Variants in RELA observed in about 807,000 individuals in gnomAD.
RELA encodes the protein RELA proto-oncogene, NF-kB subunit, also known as transcription factor p65.
Under a neutral mutation model 56.7 loss-of-function variants are expected in RELA, and 14 were observed. That is an observed-to-expected ratio of 0.25 (90% confidence interval 0.16 to 0.39). The LOEUF (loss-of-function observed/expected upper bound fraction) is 0.39. Among genes scored for constraint, RELA ranks in the 10% least tolerant of loss-of-function variants. The pLI, the probability that RELA is intolerant of heterozygous loss-of-function variation, is 1.00. For missense variants in RELA, 559 were observed against 736.4 expected, an observed-to-expected ratio of 0.76 and a Z score of 2.79; for synonymous variants, 315 against 289.7, an observed-to-expected ratio of 1.09 and a Z score of -0.89.
In RELA at chr11:65,655,857, C is replaced by A; in HGVS notation, c.956G>T (p.Ser319Ile). Residue 319 changes from serine to isoleucine, a missense_variant and splice_region_variant, in exon 9 of 11, where the codon AGC becomes ATC. Coordinates refer to ENST00000406246, the MANE Select transcript of RELA (RefSeq NM_021975.4). ...GGCTTTCCCAGTCCCCATCTCACCG[C>A]TGAAAGGACTCTTCTTCATGATGCT... Reference protein sequence around the residue: ...FKSIMKKSPFSGPTDPRPPPR... With the variant: ...FKSIMKKSPFIGPTDPRPPPR... 2 of 1,614,068 alleles carry A rather than the reference C, an allele frequency of 1.2e-6. No homozygotes were observed. The highest frequency in any genetic ancestry group is 1.7e-6 in the Non-Finnish European group (2 of 1,179,938).
At position 65,654,529 on chromosome 11, in the gene RELA, C is replaced by A; in HGVS notation, c.1505G>T (p.Arg502Leu). 2 of 1,609,532 alleles carry A rather than the reference C, an allele frequency of 1.2e-6. No individual in the cohort carries two copies. Among genetic ancestry groups the A allele is most frequent in the Non-Finnish European group, 1.7e-6 (2 of 1,178,218 alleles). Residue 502 changes from arginine to leucine, a missense_variant, in exon 11 of 11, where the codon CGC (arginine) becomes CTC (leucine). This residue lies in a region of RELA where 365 missense variants were observed against 387.5 expected (regional missense o/e 0.94). Coordinates refer to ENST00000406246, the MANE Select transcript of RELA (RefSeq NM_021975.4). The part of the protein sequence containing the change: ...MLMEYPEAIT[R>L]LVTGAQRPPD... ...GGGCCTCTGGGCCCCTGTCACTAGG[C>A]GAGTTATAGCCTCAGGGTACTCCAT...
intron 4 of RELA, 79 bp downstream of exon 4, chr11:65,661,608 G>A (rs888774394): frequency 5.9e-6 from 8 of 1,365,626 alleles, no homozygotes; most frequent in Non-Finnish European, 8.0e-6. Flanking sequence ...GGTCCAGAAA[G>A]GAGTAACACT....
chr11:65,654,006 G>T lies in RELA; in HGVS notation c.*372C>A. On this transcript the variant is annotated 3_prime_UTR_variant, in exon 11 of 11. Transcript: ENST00000406246. Reference sequence around the variant, plus strand: ...TCCATGATGGAAGACACTTGATAAGGCTTTGTGGGCTCAAAGGCCTTACCT... The same window carrying T: ...TCCATGATGGAAGACACTTGATAAGTCTTTGTGGGCTCAAAGGCCTTACCT... 1 of 341,852 alleles carries T rather than the reference G, an allele frequency of 2.9e-6. No homozygotes were observed. Among genetic ancestry groups the T allele is most frequent in the South Asian group, 2.4e-5 (1 of 42,268 alleles). The allele number at this position is 341,852 out of a possible 1,614,324, so 21.2% of individuals were successfully genotyped here.
upstream of RELA, chr11:65,663,124 C>T (rs934099700): frequency 2.6e-5 from 6 of 228,720 alleles, no homozygotes; most frequent in African/African-American, 1.4e-4. Flanking sequence ...TCGGCTAGCT[C>T]CCGGGTCCCG....
At chr11:65,655,267 G>A (rs1241157996) in intron 10 of RELA, 1 of 572,950 alleles carries the variant, frequency 1.7e-6, no homozygotes, top group Non-Finnish European at 3.1e-6. Context: ...GGAGAGATAA[G>A]CTGGACTCCT....
At chr11:65,656,507 A>G (rs1856432822) in intron 8 of RELA, among the ~76,000 whole-genome samples, 1 of 152,192 alleles carries the variant, frequency 6.6e-6, no homozygotes, top group Non-Finnish European at 1.5e-5. Flanking sequence ...TTCCCTGACC[A>G]TCCGCCATCT....
chr11:65,663,696 C>T (rs1163554760), upstream of RELA, among the ~76,000 whole-genome samples: 49 of 152,196 alleles, frequency 3.2e-4, no homozygotes, highest in Non-Finnish European at 2.9e-5. Flanking sequence ...GCGGGACCCA[C>T]AGGGACACTT....
At chr11:65,660,095 G>A in intron 5 of RELA, 29 bp downstream of exon 5, 1 of 1,596,360 alleles carries the variant, frequency 6.3e-7, no homozygotes, top group South Asian at 1.1e-5. Flanking sequence ...GACAGAGGGT[G>A]CGGGTGTGGC....
At chr11:65,660,311 A>G (rs1856532035) in intron 4 of RELA, 96 bp from the exon 5 acceptor site, 2 of 1,091,478 alleles carry the variant, frequency 1.8e-6, no homozygotes, top group East Asian at 2.4e-5. Flanking sequence ...CCACCCCTAG[A>G]TCATCGCTCC....
At chr11:65,661,910 C>T (rs1856577857) in intron 3 of RELA, 27 bp downstream of exon 3, 1 of 1,607,468 alleles carries the variant, frequency 6.2e-7, no homozygotes, top group Non-Finnish European at 8.5e-7. Flanking sequence ...ACAGTCCCTT[C>T]CCCGCACACC....
At position 65,658,275 on chromosome 11, in the gene RELA, C is replaced by G. The variant is rs746656220; in HGVS notation, c.877+12G>C. On this transcript the variant is annotated intron_variant, in intron 8 of 10. Coordinates refer to ENST00000406246, the MANE Select transcript of RELA (RefSeq NM_021975.4). The surrounding 1 kb of genome is among the most constrained non-coding windows in gnomAD (Gnocchi z 4.5). The stretch of plus-strand genomic sequence containing the variant: ...GCCCAGCTGCCCTGATGCTGCCACC[C>G]CAGCTGTGTACCTGTATCTGGCAGG... 4 of 1,570,592 alleles carry G rather than the reference C, an allele frequency of 2.5e-6. No individual in the cohort carries two copies. Among genetic ancestry groups the G allele is most frequent in the African/African-American group, 2.7e-5 (2 of 74,562 alleles).
intron 4 of RELA, 168 bp downstream of exon 4, chr11:65,661,519 G>A (rs1470012412): frequency 3.8e-5 from 23 of 603,682 alleles, no homozygotes; most frequent in South Asian, 9.7e-5. Context: ...TAGAGTAAAC[G>A]TACAAATAGA....
chr11:65,654,988 T>C lies in RELA; in HGVS notation c.1046A>G (p.Tyr349Cys). 1.3e-6 allele frequency: 2 copies of C among 1,599,642 alleles called. No individual in the cohort carries two copies. The highest frequency in any genetic ancestry group is 1.1e-5 in the South Asian group (1 of 88,392). The change falls in exon 11 of 11, where the codon TAT (tyrosine) becomes TGT (cysteine). Residue 349 changes from tyrosine to cysteine, a missense_variant. Transcript: ENST00000406246. ...GGTGCTCAGGGATGACGTAAAGGGA[T>C]AGGGCTGGGGTGCTGGAGGAGAGAG... Reference protein sequence around the residue: ...ASVPKPAPQPYPFTSSLSTIN... With the variant: ...ASVPKPAPQPCPFTSSLSTIN...
chr11:65,661,816 G>C lies in RELA; in HGVS notation c.206C>G (p.Pro69Arg). Residue 69 changes from proline to arginine, a missense_variant, in exon 4 of 11, where the codon CCA becomes CGA. Pro to Arg is a moderately radical substitution (Grantham distance 103). This residue lies in a region of RELA where 149 missense variants were observed against 256.0 expected (regional missense o/e 0.58). Coordinates refer to ENST00000406246, the MANE Select transcript of RELA (RefSeq NM_021975.4). Reference sequence around the variant, plus strand: ...GACCAGGGAGATGCGCACTGTCCCTGGTCCTGTGTAGCCATTGATCTGTCC... The same window carrying C: ...GACCAGGGAGATGCGCACTGTCCCTCGTCCTGTGTAGCCATTGATCTGTCC... ...PTIKINGYTG[P>R]GTVRISLVTK... 6.2e-7 allele frequency: 1 copy of C among 1,612,780 alleles called. No individual in the cohort carries two copies. The highest frequency in any genetic ancestry group is 8.5e-7 in the Non-Finnish European group (1 of 1,179,252).
intron 4 of RELA, 72 bp downstream of exon 4, chr11:65,661,615 C>CA (rs1856568599): frequency 7.0e-7 from 1 of 1,418,998 alleles, no homozygotes; most frequent in East Asian, 2.3e-5. Flanking sequence ...AAAGGAGTAA[C>CA]ACTGTAGCGG....
At chr11:65,655,065 AC>A in intron 10 of RELA, 65 bp from the exon 11 acceptor site, 1 of 1,299,488 alleles carries the variant, frequency 7.7e-7, no homozygotes, top group Non-Finnish European at 1.1e-6. Flanking sequence ...CGTCCTCTGT[AC>A]CCCAGCCCCT....
In RELA at chr11:65,659,794, G is replaced by C; in HGVS notation, c.431C>G (p.Pro144Arg). The C allele has an allele frequency of 6.2e-7, 1 of 1,610,060 alleles. No individual in the cohort carries two copies. Among genetic ancestry groups the C allele is most frequent in the Non-Finnish European group, 8.5e-7 (1 of 1,177,902 alleles). ...IQTNNNPFQVPIEEQRGDYDL... is the reference protein window; with the variant it reads ...IQTNNNPFQVRIEEQRGDYDL... Reference sequence around the variant, plus strand: ...GTAGTCCCCACGCTGCTCTTCTATAGGAACTGCCAAGAAAACAGGCGATCA... The same window carrying C: ...GTAGTCCCCACGCTGCTCTTCTATACGAACTGCCAAGAAAACAGGCGATCA... Residue 144 changes from proline (P) to arginine (R), a missense_variant, in exon 6 of 11, where the codon CCT (proline) becomes CGT (arginine). Transcript: ENST00000406246.
rs758190644 is a variant in RELA, at chr11:65,654,787, CCTGGGGCTAGGACTGGGACAGGGG to C, written c.1223_1246del (p.Ala408_Pro415del). ...AGGTGGGGCCACAGCCTGAGGAGGGCCTGGGGCTAGGACTGGGACAGGGGCTGGGGCCTGGGCCAGAGCTGATAC... is the reference window on the plus strand; with the variant it reads ...AGGTGGGGCCACAGCCTGAGGAGGGCCTGGGGCCTGGGCCAGAGCTGATAC... On this transcript the variant is annotated inframe_deletion, in exon 11 of 11. Transcript: ENST00000406246. The C allele has an allele frequency of 6.6e-7, 1 of 1,514,414 alleles. No individual in the cohort carries two copies. The highest frequency in any genetic ancestry group is 1.4e-5 in the African/African-American group (1 of 72,344). 93.8% of individuals were successfully genotyped at this position (1,514,414 alleles called of 1,614,324 possible). A position where few individuals can be genotyped will look rare whatever the true frequency, so the allele number is the denominator to read the frequency against.
Position 65,654,436 on chromosome 11 carries a change from T to G in RELA, c.1598A>C (p.Asp533Ala). 2 of 1,610,856 alleles carry G rather than the reference T, an allele frequency of 1.2e-6. No homozygotes were observed. Among genetic ancestry groups the G allele is most frequent in the Non-Finnish European group, 1.7e-6 (2 of 1,178,672 alleles). Reference sequence around the variant, plus strand: ...GTCCATGTCCGCAATGGAGGAGAAGTCTTCATCTCCTGAAAGGAGGCCATT... The same window carrying G: ...GTCCATGTCCGCAATGGAGGAGAAGGCTTCATCTCCTGAAAGGAGGCCATT... ...LPNGLLSGDE[D>A]FSSIADMDFS... The change falls in exon 11 of 11, where the codon GAC becomes GCC. Residue 533 changes from aspartate (D) to alanine (A), a missense_variant. Around this residue, in one of 4 missense-constraint regions of RELA, gnomAD observed 365 missense variants for 387.5 expected, o/e 0.94. Coordinates refer to ENST00000406246, the MANE Select transcript of RELA (RefSeq NM_021975.4).
Sources: gnomAD v4.1 joint callset for allele counts (sites outside exome capture counted in the v4.1 genomes callset) on GRCh38, gnomAD v4.1.1 for gene constraint, gnomAD v4.1.1 regional missense constraint, Gnocchi (gnomAD v3.1) non-coding constraint, MANE v1.5 for transcripts, NCBI Gene and HGNC (gene_info 2026-07-23, HGNC 2026-07-21) for gene names.